Variants in DZIP1 observed in about 807,000 individuals in gnomAD.
DZIP1 encodes the protein DAZ interacting zinc finger protein 1, also known as cilium assembly protein DZIP1.
DZIP1 carries 97 observed loss-of-function variants against 107.6 expected under a neutral mutation model. The observed-to-expected ratio is 0.90, with a 90% CI of 0.77 to 1.07. The LOEUF (loss-of-function observed/expected upper bound fraction) is 1.07, where lower values mean the gene tolerates loss of function less well. Among genes scored for constraint, DZIP1 ranks in the 50% least tolerant of loss-of-function variants. The pLI is 0.00. For missense variants in DZIP1, 1,035 were observed against 1,063.6 expected (o/e 0.97, Z 0.37); for synonymous variants, 390 against 386.4 (o/e 1.01, Z -0.11).
rs568348909 is a variant in DZIP1, at chr13:95,642,217, G to A, written c.-188C>T. 4.3e-6 allele frequency: 3 copies of A among 697,934 alleles called. No individual in the cohort carries two copies. Among genetic ancestry groups the A allele is most frequent in the Admixed American group, 7.9e-5 (2 of 25,186 alleles). 43.2% of individuals were successfully genotyped at this position (697,934 alleles called of 1,614,324 possible). On this transcript the variant is annotated 5_prime_UTR_variant, in exon 4 of 23. Transcript: ENST00000376829. ...TGGAGCAAAGGGCGCGTCTGCCCGC[G>A]CAGGGTCAGCGTGCACCCAGAACCC...
intron 10 of DZIP1, among the ~76,000 whole-genome samples, chr13:95,612,782 A>T (rs893901504): frequency 2.6e-5 from 4 of 152,014 alleles, no homozygotes; most frequent in Non-Finnish European, 4.4e-5. Flanking sequence ...GCGGGGTTTC[A>T]CCATGTTAAC....
chr13:95,605,258 T>C (rs2044738234), intron 14 of DZIP1, among the ~76,000 whole-genome samples: 1 of 152,194 alleles, frequency 6.6e-6, no homozygotes, highest in Admixed American at 6.5e-5. Flanking sequence ...AAATAATCCT[T>C]GGATTCCAGA....
intron 11 of DZIP1, among the ~76,000 whole-genome samples, chr13:95,611,812 C>A (rs2045017087): frequency 6.6e-6 from 1 of 152,170 alleles, no homozygotes; most frequent in Admixed American, 6.5e-5. Flanking sequence ...ACCTTCAAAT[C>A]AAATTAATTT....
intron 10 of DZIP1, among the ~76,000 whole-genome samples, chr13:95,618,281 G>T (rs1051865341): frequency 6.6e-6 from 1 of 152,210 alleles, no homozygotes; most frequent in African/African-American, 2.4e-5. Context: ...GCCTTATAAA[G>T]TGTAGTACAT....
intron 6 of DZIP1, chr13:95,630,923 T>C (rs1429882671): frequency 4.3e-5 from 14 of 326,798 alleles, no homozygotes; most frequent in Non-Finnish European, 5.9e-6. Flanking sequence ...CGCTGAAGAA[T>C]GGTAGATTAA....
intron 15 of DZIP1, among the ~76,000 whole-genome samples, 167 bp from the exon 16 acceptor site, chr13:95,594,253 T>C (rs1213828041): frequency 6.6e-6 from 1 of 152,226 alleles, no homozygotes; most frequent in Non-Finnish European, 1.5e-5. Flanking sequence ...AATGCTTAAG[T>C]TATGCAGCTT....
chr13:95,628,559 C>A (rs377253570), intron 7 of DZIP1, among the ~76,000 whole-genome samples: 6 of 152,184 alleles, frequency 3.9e-5, no homozygotes, highest in Admixed American at 2.0e-4. Context: ...AAATGACTGT[C>A]TAAAAGAGAT....
rs2043998611 is a variant in DZIP1 at position 95,580,499 on chromosome 13, A to C, written c.*1735T>G. ...AATGAAAACATGGCAGACACAAAAC[A>C]TGGAATAGAGACCTGGCTTAAAGTC... is the stretch of plus-strand genomic sequence containing the variant. On this transcript the variant is annotated 3_prime_UTR_variant, in exon 23 of 23. Transcript: ENST00000376829. 6.6e-6 allele frequency: 1 copy of C among 152,188 alleles called. No individual in the cohort carries two copies. Among genetic ancestry groups the C allele is most frequent in the South Asian group, 2.1e-4 (1 of 4,818 alleles). The allele number at this position is 152,188 out of a possible 1,614,324, so 9.4% of individuals were successfully genotyped here. A position where few individuals can be genotyped will look rare whatever the true frequency, so the allele number is the denominator to read the frequency against.
intron 14 of DZIP1, 50 bp from the exon 15 acceptor site, chr13:95,599,474 T>G: frequency 7.1e-7 from 1 of 1,413,256 alleles, no homozygotes; most frequent in African/African-American, 1.4e-5. Flanking sequence ...ACAGCAAAGT[T>G]ACATTAGTTT....
chr13:95,640,244 C>T (rs1403575820), intron 5 of DZIP1, among the ~76,000 whole-genome samples: 5 of 152,022 alleles, frequency 3.3e-5, no homozygotes, highest in African/African-American at 9.7e-5. Flanking sequence ...GTGATCCGCC[C>T]GCCTCGGCCT....
At chr13:95,610,898 A>C (rs534959764) in intron 12 of DZIP1, among the ~76,000 whole-genome samples, 1 of 152,276 alleles carries the variant, frequency 6.6e-6, no homozygotes, top group East Asian at 1.9e-4. Flanking sequence ...CTTGCACCAT[A>C]GGTTGACCCT....
chr13:95,641,041 C>T lies in DZIP1; in HGVS notation c.597+254G>A, dbSNP rs1202224619. 6.6e-6 allele frequency among the ~76,000 whole-genome samples: 1 copy of T among 152,148 alleles called. No individual in the cohort carries two copies. The highest frequency in any genetic ancestry group is 2.4e-5 in the African/African-American group (1 of 41,420). ...TCGGAGGAGGAAAGTGTTTCAACAA[C>T]CAGCATTTAGATAACTTCCATAAAG... On this transcript the variant is annotated intron_variant, in intron 5 of 22. Transcript: ENST00000376829. The surrounding 1 kb of genome is among the most constrained non-coding windows in gnomAD (Gnocchi z 4.3).
chr13:95,611,412 CT>C, intron 12 of DZIP1, 32 bp downstream of exon 12: 1 of 1,600,146 alleles, frequency 6.2e-7, no homozygotes, highest in Middle Eastern at 1.7e-4. Context: ...GGAGGTTCCC[CT>C]TGCCGCCAGT....
At chr13:95,622,272 A>T (rs1594715056) in intron 9 of DZIP1, 71 bp downstream of exon 9, 1 of 1,591,472 alleles carries the variant, frequency 6.3e-7, no homozygotes, top group Non-Finnish European at 8.6e-7. Flanking sequence ...TCTGCAGATG[A>T]CACTCACTGT....
intron 14 of DZIP1, among the ~76,000 whole-genome samples, chr13:95,600,277 G>T (rs1473352225): frequency 6.6e-6 from 1 of 152,114 alleles, no homozygotes; most frequent in Non-Finnish European, 1.5e-5. Context: ...TTGGTGCATG[G>T]TTCACTCACC....
chr13:95,597,335 G>T lies in DZIP1; in HGVS notation c.1537+2030C>A, dbSNP rs141393944. Among the ~76,000 whole-genome samples, 739 of 152,224 alleles carry T rather than the reference G, an allele frequency of 4.9e-3. 1 individual carries two copies. Among genetic ancestry groups the T allele is most frequent in the Middle Eastern group, 0.027 (8 of 294 alleles). On this transcript the variant is annotated intron_variant, in intron 15 of 22. Coordinates refer to ENST00000376829, the MANE Select transcript of DZIP1 (RefSeq NM_198968.4). ...ACGCGACGTTTTCTATGAACCTCCT[G>T]ACATGTCTCACAGATTCTTCAAGGA...
intron 10 of DZIP1, 145 bp downstream of exon 10, chr13:95,619,740 G>T: frequency 1.4e-6 from 1 of 697,024 alleles, no homozygotes. Flanking sequence ...GGTTATTTTG[G>T]TGTTAGAATT....
intron 15 of DZIP1, among the ~76,000 whole-genome samples, chr13:95,594,795 C>A (rs1184862739): frequency 6.6e-6 from 1 of 151,822 alleles, no homozygotes; most frequent in Non-Finnish European, 1.5e-5. Context: ...TTGTTTAAAA[C>A]AACCTATAAT....
intron 16 of DZIP1, among the ~76,000 whole-genome samples, chr13:95,590,855 G>T (rs1429564326): frequency 6.6e-6 from 1 of 152,168 alleles, no homozygotes; most frequent in Non-Finnish European, 1.5e-5. Context: ...AGGGACACCT[G>T]TGAGAAAGGA....
Sources: gnomAD v4.1 joint callset for allele counts (sites outside exome capture counted in the v4.1 genomes callset) on GRCh38, gnomAD v4.1.1 for gene constraint, Gnocchi (gnomAD v3.1) non-coding constraint, MANE v1.5 for transcripts, NCBI Gene and HGNC (gene_info 2026-07-23, HGNC 2026-07-21) for gene names.